The following SOX6 variants were observed in gnomAD, a reference collection of about 807,000 sequenced individuals.
SOX6 encodes the protein transcription factor SOX-6.
Under a neutral mutation model 97.8 loss-of-function variants are expected in SOX6, and 11 were observed. The observed-to-expected ratio is 0.11, with a 90% CI of 0.07 to 0.19. The LOEUF is 0.19. SOX6 is among the 10% of genes least tolerant of loss of function. The probability of loss-of-function intolerance (pLI) is 1.00; values close to 1 mark genes in which losing one functional copy is unlikely to be tolerated. For missense variants in SOX6, 810 were observed against 1,039.5 expected, an observed-to-expected ratio of 0.78 and a Z score of 3.04; for synonymous variants, 360 against 371.4, an observed-to-expected ratio of 0.97 and a Z score of 0.35.
chr11:16,266,964 G>A (rs1306351973), intron 3 of SOX6, among the ~76,000 whole-genome samples: 3 of 149,382 alleles, frequency 2.0e-5, no homozygotes, highest in Non-Finnish European at 4.5e-5. Flanking sequence ...TTCAATAGAT[G>A]GAGCTGGGAA....
intron 3 of SOX6, among the ~76,000 whole-genome samples, chr11:16,248,779 AT>A: frequency 6.6e-6 from 1 of 152,210 alleles, no homozygotes; most frequent in African/African-American, 2.4e-5. Context: ...CTCTGGAGAC[AT>A]TTTCCCCATT....
intron 6 of SOX6, among the ~76,000 whole-genome samples, chr11:16,170,616 C>A (rs1333622759): frequency 6.6e-6 from 1 of 151,974 alleles, no homozygotes; most frequent in African/African-American, 2.4e-5. Context: ...TGGTTAAGGA[C>A]CCGAATGGGA....
chr11:16,401,226 A>G (rs1039373905), intron 1 of SOX6, among the ~76,000 whole-genome samples: 33 of 151,716 alleles, frequency 2.2e-4, no homozygotes, highest in African/African-American at 7.5e-4. Context: ...TATCTCACAC[A>G]GTGCCTGGAC....
intron 3 of SOX6, among the ~76,000 whole-genome samples, chr11:16,628,671 G>T (rs1247684038): frequency 6.6e-6 from 1 of 151,688 alleles, no homozygotes; most frequent in Non-Finnish European, 1.5e-5. Flanking sequence ...TTGGTATTTT[G>T]ATAGGGATTG....
chr11:16,016,263 C>T (rs185058670), intron 12 of SOX6, among the ~76,000 whole-genome samples: 7 of 152,050 alleles, frequency 4.6e-5, no homozygotes, highest in African/African-American at 1.4e-4. Context: ...ATAATTAATT[C>T]CCATCAGTCA....
intron 3 of SOX6, among the ~76,000 whole-genome samples, chr11:16,691,293 C>A (rs1416116805): frequency 1.3e-5 from 2 of 152,082 alleles, no homozygotes; most frequent in Non-Finnish European, 2.9e-5. Context: ...GGAGAAACTG[C>A]GGACACTGTC....
chr11:16,245,931 A>C (rs1853322112), intron 3 of SOX6, among the ~76,000 whole-genome samples: 1 of 151,394 alleles, frequency 6.6e-6, no homozygotes, highest in African/African-American at 2.4e-5. Flanking sequence ...TTTAGATTTA[A>C]TGTAATAACT....
At chr11:16,074,505 C>T (rs1211358552) in intron 9 of SOX6, among the ~76,000 whole-genome samples, 2 of 152,184 alleles carry the variant, frequency 1.3e-5, no homozygotes, top group African/African-American at 4.8e-5. Context: ...CAGCTGAATT[C>T]TACCAGATGT....
intron 3 of SOX6, among the ~76,000 whole-genome samples, chr11:16,645,025 G>A (rs565407730): frequency 4.6e-5 from 7 of 152,286 alleles, no homozygotes; most frequent in African/African-American, 1.7e-4. Flanking sequence ...CCCTAAGGAT[G>A]TATCTTAATT....
intron 4 of SOX6, among the ~76,000 whole-genome samples, chr11:16,560,689 G>A (rs909559308): frequency 6.6e-6 from 1 of 151,984 alleles, no homozygotes; most frequent in Non-Finnish European, 1.5e-5. Context: ...GAAGTGTGGG[G>A]CTACAACTTT....
intron 6 of SOX6, among the ~76,000 whole-genome samples, chr11:16,161,626 A>T (rs992695935): frequency 6.6e-6 from 1 of 151,798 alleles, no homozygotes; most frequent in African/African-American, 2.4e-5. Context: ...GCGCCACAAA[A>T]CTCCTGCTGA....
At chr11:16,170,013 CT>C (rs1850990402) in intron 6 of SOX6, among the ~76,000 whole-genome samples, 1 of 151,900 alleles carries the variant, frequency 6.6e-6, no homozygotes, top group Non-Finnish European at 1.5e-5. Context: ...AGTAATTAGC[CT>C]TTTAGCATCC....
At chr11:16,541,432 A>T (rs1861406936) in intron 4 of SOX6, among the ~76,000 whole-genome samples, 1 of 152,240 alleles carries the variant, frequency 6.6e-6, no homozygotes, top group African/African-American at 2.4e-5. Flanking sequence ...CATGACTAAA[A>T]CACCGAAAGC....
chr11:16,035,949 G>A (rs1489379444), intron 12 of SOX6, among the ~76,000 whole-genome samples: 1 of 152,098 alleles, frequency 6.6e-6, no homozygotes, highest in Non-Finnish European at 1.5e-5. Flanking sequence ...GAGAGACAGA[G>A]GACTGGTCCC....
At chr11:16,534,116 C>G (rs1398155559) in intron 4 of SOX6, among the ~76,000 whole-genome samples, 1 of 152,082 alleles carries the variant, frequency 6.6e-6, no homozygotes, top group Non-Finnish European at 1.5e-5. Context: ...GATAGAATGG[C>G]ACAGCAGAAC....
intron 4 of SOX6, among the ~76,000 whole-genome samples, chr11:16,188,272 C>A: frequency 6.7e-6 from 1 of 149,592 alleles, no homozygotes. Context: ...TCTCTTATAT[C>A]CTCAGATTTA....
At chr11:16,064,632 C>T (rs1848046711) in intron 9 of SOX6, among the ~76,000 whole-genome samples, 1 of 150,892 alleles carries the variant, frequency 6.6e-6, no homozygotes, top group Non-Finnish European at 1.5e-5. Flanking sequence ...ACTAGTAAAC[C>T]AAGTCTGACA....
intron 2 of SOX6, among the ~76,000 whole-genome samples, chr11:16,324,757 A>G (rs1856025962): frequency 6.6e-6 from 1 of 152,194 alleles, no homozygotes; most frequent in Non-Finnish European, 1.5e-5. Flanking sequence ...TTTACAGTAA[A>G]AAAAGAATAA....
intron 4 of SOX6, among the ~76,000 whole-genome samples, chr11:16,535,742 A>G (rs752049911): frequency 7.2e-5 from 11 of 152,312 alleles, no homozygotes; most frequent in Admixed American, 5.9e-4. Flanking sequence ...TATTTTCCAT[A>G]AATGCAACAG....
Sources: allele counts gnomAD v4.1 joint callset (sites outside exome capture counted in the v4.1 genomes callset), GRCh38; gene constraint gnomAD v4.1.1; transcripts MANE v1.5; gene names NCBI Gene and HGNC (gene_info 2026-07-23, HGNC 2026-07-21).